The following PCCB variants were observed in gnomAD, a reference collection of about 807,000 sequenced individuals.
The protein encoded by PCCB is propionyl-CoA carboxylase beta chain, mitochondrial.
A neutral mutation model predicts 60.7 loss-of-function variants in PCCB; 43 were observed. That is an observed-to-expected ratio of 0.71 (90% CI 0.55 to 0.91). PCCB has a LOEUF of 0.91. Ranked by LOEUF, PCCB falls within the 40% of genes least tolerant of loss-of-function variation. PCCB has a pLI of 0.00. For synonymous variants in PCCB, 276 were observed against 255.9 expected (o/e 1.08, Z -0.75); for missense variants, 766 against 702.8 (o/e 1.09, Z -1.02).
At chr3:136,290,587 T>G (rs1306823973) in intron 6 of PCCB, among the ~76,000 whole-genome samples, 1 of 150,888 alleles carries the variant, frequency 6.6e-6, no homozygotes, top group Non-Finnish European at 1.5e-5. Context: ...TTCAAACTCC[T>G]GGGCTCACAT....
At chr3:136,255,746 A>G (rs1413730180) in intron 1 of PCCB, 110 bp from the exon 2 acceptor site, 2 of 918,506 alleles carry the variant, frequency 2.2e-6, no homozygotes, top group Non-Finnish European at 3.6e-6. Flanking sequence ...AAGTACTTGC[A>G]TTGAGATCAA....
At chr3:136,281,789 A>G (rs952304454) in intron 5 of PCCB, among the ~76,000 whole-genome samples, 3 of 152,162 alleles carry the variant, frequency 2.0e-5, no homozygotes, top group Admixed American at 6.6e-5. Flanking sequence ...TTGCTTGTCA[A>G]CTGCTGGGTC....
At chr3:136,253,241 C>T (rs1303450631) in intron 1 of PCCB, among the ~76,000 whole-genome samples, 1 of 151,816 alleles carries the variant, frequency 6.6e-6, no homozygotes, top group Non-Finnish European at 1.5e-5. Flanking sequence ...GGGTGCCCAC[C>T]ACCACACCTG....
intron 8 of PCCB, among the ~76,000 whole-genome samples, chr3:136,300,030 A>G (rs1934191456): frequency 6.6e-6 from 1 of 151,456 alleles, no homozygotes; most frequent in Non-Finnish European, 1.5e-5. Flanking sequence ...ACACGCCCAC[A>G]CATGCATATA....
At chr3:136,323,340 T>C (rs1935176025) in intron 10 of PCCB, among the ~76,000 whole-genome samples, 1 of 152,246 alleles carries the variant, frequency 6.6e-6, no homozygotes, top group South Asian at 2.1e-4. Flanking sequence ...TTCTCTGATC[T>C]TTCTTCTGCC....
intron 10 of PCCB, among the ~76,000 whole-genome samples, chr3:136,320,527 C>G (rs1454112682): frequency 6.6e-6 from 1 of 152,166 alleles, no homozygotes; most frequent in Non-Finnish European, 1.5e-5. Context: ...AACTACAAAA[C>G]TGATTTTTGT....
chr3:136,260,387 T>G, intron 3 of PCCB, 92 bp from the exon 4 acceptor site: 1 of 1,140,602 alleles, frequency 8.8e-7, no homozygotes. Context: ...CTAAAAACTT[T>G]TATCTGTGAA....
At chr3:136,289,209 C>T (rs1933563898) in intron 6 of PCCB, among the ~76,000 whole-genome samples, 1 of 152,140 alleles carries the variant, frequency 6.6e-6, no homozygotes, top group South Asian at 2.1e-4. Context: ...CCTGCTGGAT[C>T]TGTCCACTTT....
intron 5 of PCCB, among the ~76,000 whole-genome samples, chr3:136,278,296 G>GT (rs1055011429): frequency 6.6e-6 from 1 of 152,140 alleles, no homozygotes; most frequent in African/African-American, 2.4e-5. Context: ...GAGACTTACA[G>GT]TTTTTCCCTT....
chr3:136,278,071 C>T (rs574442186), intron 5 of PCCB, among the ~76,000 whole-genome samples: 16 of 152,280 alleles, frequency 1.1e-4, no homozygotes, highest in African/African-American at 3.9e-4. Context: ...CCCAAGGTCC[C>T]CTGTGAGGTA....
chr3:136,268,886 G>T (rs933932314), intron 5 of PCCB, among the ~76,000 whole-genome samples: 3 of 152,176 alleles, frequency 2.0e-5, no homozygotes, highest in African/African-American at 7.2e-5. Context: ...CACGTAGATG[G>T]AATGTTTCTC....
chr3:136,317,297 C>T (rs1431095408), intron 10 of PCCB, among the ~76,000 whole-genome samples: 1 of 139,356 alleles, frequency 7.2e-6, no homozygotes, highest in African/African-American at 2.7e-5. Flanking sequence ...TCTCAGCACA[C>T]TGGACCCTCT....
intron 5 of PCCB, among the ~76,000 whole-genome samples, chr3:136,268,095 T>G (rs1245694532): frequency 0.011 from 1,001 of 92,186 alleles, 25 homozygotes; most frequent in South Asian, 0.027. Flanking sequence ...TAGATATATA[T>G]ATATATATAT....
intron 10 of PCCB, among the ~76,000 whole-genome samples, chr3:136,318,377 A>C (rs903536348): frequency 1.3e-5 from 2 of 152,022 alleles, no homozygotes; most frequent in African/African-American, 4.8e-5. Context: ...CACTGTCCCC[A>C]CCTCCCCAAA....
intron 6 of PCCB, among the ~76,000 whole-genome samples, chr3:136,292,824 G>A (rs1194210176): frequency 6.6e-6 from 1 of 152,182 alleles, no homozygotes; most frequent in East Asian, 1.9e-4. Flanking sequence ...GTAGAGAGAA[G>A]AAACTGACAG....
chr3:136,279,300 A>AAAG (rs745319674), intron 5 of PCCB, among the ~76,000 whole-genome samples: 1 of 152,206 alleles, frequency 6.6e-6, no homozygotes, highest in African/African-American at 2.4e-5. Flanking sequence ...GATTGCTGAA[A>AAAG]AAGAAGGATT....
intron 13 of PCCB, among the ~76,000 whole-genome samples, chr3:136,328,167 G>C (rs865988540): frequency 1.3e-5 from 2 of 152,164 alleles, no homozygotes; most frequent in South Asian, 2.1e-4. Flanking sequence ...CCCTAGTGAC[G>C]TTGGACAAGG....
At chr3:136,312,033 A>G (rs1934687953) in intron 9 of PCCB, among the ~76,000 whole-genome samples, 1 of 152,266 alleles carries the variant, frequency 6.6e-6, no homozygotes, top group South Asian at 2.1e-4. Context: ...GGGACTAGCC[A>G]TGCTTTATAT....
Position 136,298,173 on chromosome 3 carries a change from G to C in PCCB, c.884+101G>C, listed in dbSNP as rs1003450599. The C allele has an allele frequency of 4.1e-6, 6 of 1,463,086 alleles. No individual in the cohort carries two copies. The Admixed American group carries it at 1.0e-4, about 24-fold the overall frequency. The allele number at this position is 1,463,086 out of a possible 1,614,324, so 90.6% of individuals were successfully genotyped here. Reference sequence around the variant, plus strand: ...GGTCTGCCTTGTTGGGCAAGTTGCAGCAGAGTGTGGTAGAGTGGCTCCCAG... The same window carrying C: ...GGTCTGCCTTGTTGGGCAAGTTGCACCAGAGTGTGGTAGAGTGGCTCCCAG... On this transcript the variant is annotated intron_variant, in intron 8 of 14. Transcript: ENST00000251654.
Sources: allele counts gnomAD v4.1 joint callset (sites outside exome capture counted in the v4.1 genomes callset), GRCh38; gene constraint gnomAD v4.1.1; transcripts MANE v1.5; gene names NCBI Gene and HGNC (gene_info 2026-07-23, HGNC 2026-07-21).